Variants in LYRM1 observed in about 807,000 individuals in gnomAD.
LYRM1 encodes the protein LYR motif-containing protein 1.
Under a neutral mutation model 14.9 loss-of-function variants are expected in LYRM1, and 14 were observed. The ratio of observed to expected loss-of-function variants is 0.94; its 90% CI spans 0.62 to 1.47. The LOEUF (loss-of-function observed/expected upper bound fraction) is 1.47, where lower values mean the gene tolerates loss of function less well. LYRM1 is among the 40% of genes most tolerant of loss of function. The pLI, the probability that LYRM1 is intolerant of heterozygous loss-of-function variation, is 0.00. For synonymous variants in LYRM1, 43 were observed against 56.2 expected (o/e 0.77, Z 1.05); for missense variants, 153 against 149.9 (o/e 1.02, Z -0.11).
intron 1 of LYRM1, among the ~76,000 whole-genome samples, chr16:20,905,327 G>A (rs1033315492): frequency 6.6e-6 from 1 of 152,160 alleles, no homozygotes; most frequent in Admixed American, 6.5e-5. Flanking sequence ...CCAAGTCTCA[G>A]GCAGTTAATA....
chr16:20,916,518 G>A (rs926957845), intron 2 of LYRM1, among the ~76,000 whole-genome samples: 1 of 152,084 alleles, frequency 6.6e-6, no homozygotes, highest in Non-Finnish European at 1.5e-5. Context: ...CTCTTCAGCC[G>A]TGTCATCACA....
At chr16:20,906,974 T>C (rs1596702231) in intron 1 of LYRM1, among the ~76,000 whole-genome samples, 1 of 152,118 alleles carries the variant, frequency 6.6e-6, no homozygotes, top group Non-Finnish European at 1.5e-5. Flanking sequence ...TTTTGTTTTT[T>C]AGACTGATCG....
chr16:20,923,378 T>A, intron 3 of LYRM1, among the ~76,000 whole-genome samples: 1 of 151,348 alleles, frequency 6.6e-6, no homozygotes, highest in Admixed American at 6.6e-5. Context: ...CGAGCACCTA[T>A]AATCCCAGCT....
rs1380533006 is a variant in LYRM1 at position 20,924,059 on chromosome 16, G to A, written c.312G>A (p.Glu104=). The change falls in exon 4 of 4, where the codon GAG becomes GAA. Residue 104 remains glutamate (E), a synonymous_variant. Transcript: ENST00000567954. ...PLRGRGLRSQ[E]KLRKLSKPVY... The stretch of plus-strand genomic sequence containing the variant: ...GAGGCCGGGGACTTCGAAGCCAAGA[G>A]AAACTGAGGAAACTTTCCAAACCAG... 1.9e-5 allele frequency: 30 copies of A among 1,613,490 alleles called. No individual in the cohort carries two copies. The highest frequency in any genetic ancestry group is 2.5e-5 in the Non-Finnish European group (30 of 1,179,662).
intron 1 of LYRM1, among the ~76,000 whole-genome samples, chr16:20,909,198 T>C (rs2152535580): frequency 6.6e-6 from 1 of 152,288 alleles, no homozygotes; most frequent in South Asian, 2.1e-4. Flanking sequence ...GGCCTGCACA[T>C]CACAGAGGCT....
chr16:20,911,297 G>A (rs1330804612), intron 1 of LYRM1: 1 of 152,212 alleles, frequency 6.6e-6, no homozygotes, highest in South Asian at 2.1e-4. Flanking sequence ...GAAATTCTCT[G>A]TAAGTTGAAT....
intron 2 of LYRM1, among the ~76,000 whole-genome samples, chr16:20,919,526 T>C (rs1159866833): frequency 1.3e-5 from 2 of 152,248 alleles, no homozygotes; most frequent in Admixed American, 1.3e-4. Flanking sequence ...TACATATGCA[T>C]GTAAGCAAAG....
chr16:20,924,367 C>A lies in LYRM1; in HGVS notation c.*251C>A, dbSNP rs559206814. On this transcript the variant is annotated 3_prime_UTR_variant, in exon 4 of 4. Transcript: ENST00000567954. ...ACTGCAGTCACCTTTGGAAACAAGA[C>A]CGAGGCCTGTAGAAGGAAAGCGGAA... is the stretch of plus-strand genomic sequence containing the variant. 9.8e-4 allele frequency: 336 copies of A among 343,616 alleles called. No individual in the cohort carries two copies. The highest frequency in any genetic ancestry group is 1.6e-3 in the Non-Finnish European group (291 of 187,330). 21.3% of individuals were successfully genotyped at this position (343,616 alleles called of 1,614,324 possible).
intron 2 of LYRM1, 119 bp downstream of exon 2, chr16:20,915,833 G>A: frequency 9.7e-7 from 1 of 1,032,582 alleles, no homozygotes; most frequent in Non-Finnish European, 1.4e-6. Context: ...GCAGAACTTG[G>A]GGCAGGAAGG....
chr16:20,916,868 C>G (rs1482712620), intron 2 of LYRM1, among the ~76,000 whole-genome samples: 1 of 152,186 alleles, frequency 6.6e-6, no homozygotes, highest in Non-Finnish European at 1.5e-5. Context: ...AACCAAGACA[C>G]ATCTGTCAAA....
At chr16:20,911,345 C>T (rs1328474821) in intron 1 of LYRM1, 1 of 152,146 alleles carries the variant, frequency 6.6e-6, no homozygotes, top group East Asian at 1.9e-4. Flanking sequence ...TAAACGTGCC[C>T]ACTTCCAGCT....
chr16:20,915,353 G>A (rs1359393361), intron 1 of LYRM1, among the ~76,000 whole-genome samples: 1 of 151,818 alleles, frequency 6.6e-6, no homozygotes, highest in Non-Finnish European at 1.5e-5. Flanking sequence ...CCAGCTACTC[G>A]GGCGGCTGAG....
At chr16:20,911,566 T>C (rs1411616566) in intron 1 of LYRM1, among the ~76,000 whole-genome samples, 3 of 152,222 alleles carry the variant, frequency 2.0e-5, no homozygotes, top group Non-Finnish European at 2.9e-5. Context: ...CTGGCCTTGC[T>C]ACTTACTCAC....
chr16:20,910,786 C>A (rs1024282974), intron 1 of LYRM1, among the ~76,000 whole-genome samples: 9 of 151,394 alleles, frequency 5.9e-5, no homozygotes, highest in South Asian at 2.1e-4. Flanking sequence ...AAAAAAAAAA[C>A]AACAACAACA....
chr16:20,924,236 T>G lies in LYRM1; in HGVS notation c.*120T>G. ...AAATGTCTTCTTAAAACCTCCACAA[T>G]TGATTCTCCCCCTGTGATGTAAACT... On this transcript the variant is annotated 3_prime_UTR_variant, in exon 4 of 4. Transcript: ENST00000567954. The G allele has an allele frequency of 1.6e-6, 1 of 618,624 alleles. No homozygotes were observed. The highest frequency in any genetic ancestry group is 2.9e-6 in the Non-Finnish European group (1 of 343,452). 38.3% of individuals were successfully genotyped at this position (618,624 alleles called of 1,614,324 possible). A position where few individuals can be genotyped will look rare whatever the true frequency, so the allele number is the denominator to read the frequency against.
intron 1 of LYRM1, among the ~76,000 whole-genome samples, chr16:20,907,266 CAA>C (rs1466480220): frequency 6.6e-6 from 1 of 152,182 alleles, no homozygotes; most frequent in Admixed American, 6.5e-5. Flanking sequence ...AGACCAGAAA[CAA>C]AGTGCCTTTC....
intron 1 of LYRM1, among the ~76,000 whole-genome samples, chr16:20,902,332 A>T (rs1034427463): frequency 3.9e-5 from 6 of 152,258 alleles, no homozygotes; most frequent in Non-Finnish European, 7.3e-5. Context: ...AACAAGTCAA[A>T]TGAAGTTGTC....
chr16:20,919,487 C>CCT (rs954191749), intron 2 of LYRM1, among the ~76,000 whole-genome samples: 1 of 152,082 alleles, frequency 6.6e-6, no homozygotes, highest in East Asian at 1.9e-4. Context: ...TCCTAGCAGT[C>CCT]CTCTCTCTCT....
In LYRM1 at chr16:20,924,022, T is replaced by A. The variant is rs528477360; in HGVS notation, c.275T>A (p.Leu92His). 3.7e-6 allele frequency: 6 copies of A among 1,610,694 alleles called. No individual in the cohort carries two copies. In the South Asian group the frequency reaches 6.6e-5, roughly 18 times the overall value. The change falls in exon 4 of 4, where the codon CTT becomes CAT. Residue 92 changes from leucine (L) to histidine (H), a missense_variant. Transcript: ENST00000567954. ...CAGATTCATCTGCCTCCAATGGGCC[T>A]TACCCCACTCCGAGGCCGGGGACTT... ...PRPIHLPPMGLTPLRGRGLRS... is the reference protein window; with the variant it reads ...PRPIHLPPMGHTPLRGRGLRS...
Sources: gnomAD v4.1 joint callset for allele counts (sites outside exome capture counted in the v4.1 genomes callset) on GRCh38, gnomAD v4.1.1 for gene constraint, MANE v1.5 for transcripts, NCBI Gene and HGNC (gene_info 2026-07-23, HGNC 2026-07-21) for gene names.